Variants in DYNC2I2 observed in about 807,000 individuals in gnomAD.
DYNC2I2 encodes dynein 2 intermediate chain 2, also known as cytoplasmic dynein 2 intermediate chain 2.
Under a neutral mutation model 52.0 loss-of-function variants are expected in DYNC2I2, and 39 were observed. The ratio of observed to expected loss-of-function variants is 0.75; its 90% CI spans 0.58 to 0.98. DYNC2I2 has a LOEUF of 0.98. Among genes scored for constraint, DYNC2I2 ranks in the 50% least tolerant of loss-of-function variants. The probability of loss-of-function intolerance (pLI) is 0.00; values close to 1 mark genes in which losing one functional copy is unlikely to be tolerated. For missense variants in DYNC2I2, 743 were observed against 728.4 expected (o/e 1.02, Z -0.23); for synonymous variants, 359 against 321.1 (o/e 1.12, Z -1.26).
chr9:128,675,514 A>G, the DYNC2I2 span, among the ~76,000 whole-genome samples: 38 of 152,088 alleles, frequency 2.5e-4, no homozygotes, highest in Non-Finnish European at 5.4e-4. Flanking sequence ...GGTTCTCCCA[A>G]CTGTAAAATA....
At chr9:128,668,734 C>T in the DYNC2I2 span, among the ~76,000 whole-genome samples, 3 of 150,030 alleles carry the variant, frequency 2.0e-5, no homozygotes, top group African/African-American at 7.4e-5. Flanking sequence ...GCATGAGAAT[C>T]GCTTGATCCC....
chr9:128,683,489 A>G, the DYNC2I2 span: 48 of 216,038 alleles, frequency 2.2e-4, no homozygotes, highest in African/African-American at 6.7e-4. Context: ...AGGCCAAAGG[A>G]AAAAAAAAAG....
At chr9:128,652,149 G>C (rs1437636574) in intron 1 of DYNC2I2, 1 of 151,208 alleles carries the variant, frequency 6.6e-6, no homozygotes, top group Admixed American at 6.6e-5. Flanking sequence ...ACCAAGAATC[G>C]GGCCAGGTGC....
chr9:128,672,016 C>T, the DYNC2I2 span, among the ~76,000 whole-genome samples: 1 of 149,890 alleles, frequency 6.7e-6, no homozygotes, highest in African/African-American at 2.5e-5. Context: ...CTCTGTCGCC[C>T]AGGCTGGAGT....
chr9:128,666,833 A>C, the DYNC2I2 span, among the ~76,000 whole-genome samples: 1 of 151,924 alleles, frequency 6.6e-6, no homozygotes, highest in Non-Finnish European at 1.5e-5. Flanking sequence ...TTCAGAAGCT[A>C]AGGTGGATGG....
the DYNC2I2 span, among the ~76,000 whole-genome samples, chr9:128,675,913 G>C: frequency 5.3e-5 from 8 of 152,222 alleles, no homozygotes; most frequent in South Asian, 8.3e-4. Flanking sequence ...AGGTGGGCCA[G>C]GTCCAGCTAC....
rs1247482820 is a variant in DYNC2I2, at chr9:128,636,311, A to G, written c.673T>C (p.Phe225Leu). 6.3e-7 allele frequency: 1 copy of G among 1,587,658 alleles called. No homozygotes were observed. Among genetic ancestry groups the G allele is most frequent in the East Asian group, 2.3e-5 (1 of 43,532 alleles). Reference protein sequence around the residue: ...EVPSAVLCLAFHPTQPSHVAG... With the variant: ...EVPSAVLCLALHPTQPSHVAG... ...ACGTGGGAGGGCTGCGTGGGGTGGA[A>G]GGCCAGACACAGGACAGCGCTGGGG... The change falls in exon 4 of 9, where the codon TTC becomes CTC. Residue 225 changes from phenylalanine (F) to leucine (L), a missense_variant. Physicochemically the swap from Phe to Leu is conservative, Grantham distance 22. Coordinates refer to ENST00000372715, the MANE Select transcript of DYNC2I2 (RefSeq NM_052844.4).
chr9:128,634,521 C>T, intron 7 of DYNC2I2, 138 bp from the exon 8 acceptor site: 2 of 1,340,324 alleles, frequency 1.5e-6, no homozygotes, highest in South Asian at 1.5e-5. Context: ...TTGGTCCTCT[C>T]ATTAGAGAAG....
chr9:128,683,475 T>C, the DYNC2I2 span: 2 of 234,320 alleles, frequency 8.5e-6, no homozygotes, highest in Middle Eastern at 1.3e-3. Context: ...TTTAAATCTT[T>C]TGGAGGCCAA....
rs1203622745 is a variant in DYNC2I2, at chr9:128,654,882, TTC to T, written c.186+1657_186+1658del. Among the ~76,000 whole-genome samples the T allele has an allele frequency of 3.9e-5, 6 of 152,156 alleles. No individual in the cohort carries two copies. The East Asian group carries it at 1.2e-3, about 29-fold the overall frequency. On this transcript the variant is annotated intron_variant, in intron 1 of 8. Transcript: ENST00000372715. ...ACCCAGTCCTTCCAATCTCTCAGCTTTCTCTTTTGTCCACGGCACTATTCACC... is the reference window on the plus strand; with the variant it reads ...ACCCAGTCCTTCCAATCTCTCAGCTTTCTTTTGTCCACGGCACTATTCACC...
intron 5 of DYNC2I2, 173 bp downstream of exon 5, chr9:128,635,485 C>CT (rs2132143646): frequency 2.5e-6 from 2 of 790,744 alleles, no homozygotes. Context: ...CTGGGAATGG[C>CT]CACAGGGCCC....
intron 1 of DYNC2I2, among the ~76,000 whole-genome samples, chr9:128,647,983 G>A (rs1280765989): frequency 6.6e-6 from 1 of 152,102 alleles, no homozygotes; most frequent in Non-Finnish European, 1.5e-5. Flanking sequence ...TCAGAGGAAG[G>A]AAACTGAGGC....
chr9:128,663,075 C>A, the DYNC2I2 span: 1 of 152,122 alleles, frequency 6.6e-6, no homozygotes, highest in Non-Finnish European at 1.5e-5. Flanking sequence ...GGATTACAGG[C>A]GTGAGCCACG....
chr9:128,652,447 A>G (rs1003307200), intron 1 of DYNC2I2, among the ~76,000 whole-genome samples: 2 of 148,240 alleles, frequency 1.3e-5, no homozygotes, highest in African/African-American at 2.6e-5. Context: ...AAAAAAAAAA[A>G]AAAAGAAAGA....
rs757621269 is a variant in DYNC2I2 at position 128,634,210 on chromosome 9, A to T, written c.1372+16T>A. 1.4e-5 allele frequency: 22 copies of T among 1,610,104 alleles called. No individual in the cohort carries two copies. In the East Asian group the frequency reaches 4.9e-4, roughly 36 times the overall value. On this transcript the variant is annotated intron_variant, in intron 8 of 8. Coordinates refer to ENST00000372715, the MANE Select transcript of DYNC2I2 (RefSeq NM_052844.4). ...CCACCCCTTAAACAGATCCAGGCCT[A>T]GCGGCCCCTTCCTACCTTTCCCAGA...
At chr9:128,634,978 C>CCATCTGAACAGTGCCAGAG in intron 6 of DYNC2I2, 57 bp from the exon 7 acceptor site, 1 of 1,593,426 alleles carries the variant, frequency 6.3e-7, no homozygotes. Context: ...GGCACTGTCC[C>CCATCTGAACAGTGCCAGAG]AACAGAGCCA....
intron 8 of DYNC2I2, 94 bp from the exon 9 acceptor site, chr9:128,634,076 T>C: frequency 6.4e-7 from 1 of 1,558,674 alleles, no homozygotes; most frequent in South Asian, 1.2e-5. Flanking sequence ...TCCTGTTGTG[T>C]GCAGCCACAG....
chr9:128,634,493 G>A (rs954943017), intron 7 of DYNC2I2, 110 bp from the exon 8 acceptor site: 80 of 1,424,336 alleles, frequency 5.6e-5, no homozygotes, highest in African/African-American at 1.3e-4. Flanking sequence ...AGAGCCTCCC[G>A]GGTCCCTCAG....
chr9:128,633,914 C>A lies in DYNC2I2; in HGVS notation c.1441G>T (p.Asp481Tyr), dbSNP rs1442359635. The A allele has an allele frequency of 6.2e-7, 1 of 1,613,296 alleles. No individual in the cohort carries two copies. Among genetic ancestry groups the A allele is most frequent in the African/African-American group, 1.3e-5 (1 of 75,064 alleles). ...KPTVLIKQTQ[D>Y]ESPVYCLEFN... ...TCCAGACAGTAGACAGGGCTTTCAT[C>A]CTGGGTTTGCTTGATCAAAACTGTG... is the stretch of plus-strand genomic sequence containing the variant. The change falls in exon 9 of 9, where the codon GAT (aspartate) becomes TAT (tyrosine). Residue 481 changes from aspartate (D) to tyrosine (Y), a missense_variant. By Grantham distance (160) the Asp-to-Tyr change is radical. Transcript: ENST00000372715.
Sources: gnomAD v4.1 joint callset for allele counts (sites outside exome capture counted in the v4.1 genomes callset) on GRCh38, gnomAD v4.1.1 for gene constraint, MANE v1.5 for transcripts, NCBI Gene and HGNC (gene_info 2026-07-23, HGNC 2026-07-21) for gene names.